The following LPAR6 variants were observed in gnomAD, a reference collection of about 807,000 sequenced individuals.
The protein encoded by LPAR6 is lysophosphatidic acid receptor 6.
Under a neutral mutation model 22.0 loss-of-function variants are expected in LPAR6, and 17 were observed. The ratio of observed to expected loss-of-function variants is 0.77; its 90% CI spans 0.53 to 1.16. The LOEUF (loss-of-function observed/expected upper bound fraction) is 1.16, where lower values mean the gene tolerates loss of function less well. LPAR6 is among the 50% of genes most tolerant of loss of function. LPAR6 has a pLI of 0.00. For synonymous variants in LPAR6, 136 were observed against 139.8 expected (o/e 0.97, Z 0.19); for missense variants, 384 against 406.9 (o/e 0.94, Z 0.48).
At chr13:48,441,890 CTATT>C (rs1258909514) in intron 1 of LPAR6, among the ~76,000 whole-genome samples, 3 of 152,100 alleles carry the variant, frequency 2.0e-5, no homozygotes, top group Admixed American at 6.6e-5. Context: ...ATTATAGGAC[CTATT>C]TATTCACTTG....
chr13:48,430,026 T>C (rs1949113600), upstream of LPAR6, among the ~76,000 whole-genome samples: 3 of 152,214 alleles, frequency 2.0e-5, no homozygotes, highest in Non-Finnish European at 2.9e-5. Context: ...TACAAGTTTG[T>C]TCACCTGTAG....
chr13:48,434,166 G>A (rs1289367592), intron 1 of LPAR6, among the ~76,000 whole-genome samples: 1 of 151,876 alleles, frequency 6.6e-6, no homozygotes. Context: ...TCTTCAATGA[G>A]CCAGGCCTGG....
Position 48,411,729 on chromosome 13 carries a change from A to G in LPAR6, c.695T>C (p.Phe232Ser). The change falls in exon 1 of 1, where the codon TTT (phenylalanine) becomes TCT (serine). Residue 232 changes from phenylalanine (F) to serine (S), a missense_variant. Coordinates refer to ENST00000620633, the MANE Select transcript of LPAR6 (RefSeq NM_001162498.3). ...INKTKVLKMI[F>S]VHLIIFCFCF... The stretch of plus-strand genomic sequence containing the variant: ...GAAACAGAATATGATCAAATGTACA[A>G]AAATCATTTTTAAAACCTTAGTTTT... 1 of 1,608,276 alleles carries G rather than the reference A, an allele frequency of 6.2e-7. No individual in the cohort carries two copies. The highest frequency in any genetic ancestry group is 8.5e-7 in the Non-Finnish European group (1 of 1,174,950).
chr13:48,411,596 A>T lies in LPAR6; in HGVS notation c.828T>A (p.Thr276=), dbSNP rs761515525. 2 of 1,612,546 alleles carry T rather than the reference A, an allele frequency of 1.2e-6. No individual in the cohort carries two copies. Among genetic ancestry groups the T allele is most frequent in the African/African-American group, 2.7e-5 (2 of 74,892 alleles). ...AACAGTTGGAAACAGCAATACAGAGAGTGATTGGGTACATTGTCCTTACTG... is the reference window on the plus strand; with the variant it reads ...AACAGTTGGAAACAGCAATACAGAGTGTGATTGGGTACATTGTCCTTACTG... The part of the protein sequence containing the change: ...VAAVRTMYPI[T]LCIAVSNCCF... Residue 276 remains threonine, a synonymous_variant, in exon 1 of 1, where the codon ACT becomes ACA. Transcript: ENST00000620633.
rs756308104 is a variant in LPAR6, at chr13:48,411,882, A to C, written c.542T>G (p.Leu181Arg). 1 of 1,613,722 alleles carries C rather than the reference A, an allele frequency of 6.2e-7. No homozygotes were observed. Among genetic ancestry groups the C allele is most frequent in the East Asian group, 2.2e-5 (1 of 44,798 alleles). ...NFPEATWKTY[L>R]SRIVIFIEIV... ...TTCGATGAAAATTACAATCCTTGAG[A>C]GATATGTTTTCCATGTGGCTTCTGG... The change falls in exon 1 of 1, where the codon CTC becomes CGC. Residue 181 changes from leucine to arginine, a missense_variant. Physicochemically the swap from Leu to Arg is moderately radical, Grantham distance 102 (BLOSUM62 -2). Transcript: ENST00000620633.
chr13:48,412,019 A>C lies in LPAR6; in HGVS notation c.405T>G (p.Ile135Met). 2 of 1,612,890 alleles carry C rather than the reference A, an allele frequency of 1.2e-6. No individual in the cohort carries two copies. The highest frequency in any genetic ancestry group is 1.7e-6 in the Non-Finnish European group (2 of 1,179,392). ...CAGTTAACCACACGCCAGTGCAAAC[A>C]ATCTTTGCATTTCTTTTGGTTCTTA... ...KTLRTKRNAKIVCTGVWLTVI... is the reference protein window; with the variant it reads ...KTLRTKRNAKMVCTGVWLTVI... Residue 135 changes from isoleucine to methionine, a missense_variant, in exon 1 of 1, where the codon ATT becomes ATG. Coordinates refer to ENST00000620633, the MANE Select transcript of LPAR6 (RefSeq NM_001162498.3).
intron 2 of LPAR6, among the ~76,000 whole-genome samples, chr13:48,420,082 C>T (rs1317385670): frequency 6.6e-6 from 1 of 151,970 alleles, no homozygotes; most frequent in African/African-American, 2.4e-5. Context: ...AGAGACACAA[C>T]AAAAAAAGAA....
rs529637708 is a variant in LPAR6 at position 48,433,913 on chromosome 13, A to C, written c.-1473-9794T>G. On this transcript the variant is annotated intron_variant, in intron 1 of 6. Transcript: ENST00000378434. Reference sequence around the variant, plus strand: ...TATACATATATACTTTTTTTCAGATAGGGTCTTGCTATGTTGCCCAGGCTG... The same window carrying C: ...TATACATATATACTTTTTTTCAGATCGGGTCTTGCTATGTTGCCCAGGCTG... Among the ~76,000 whole-genome samples the C allele has an allele frequency of 3.3e-5, 5 of 151,628 alleles. No homozygotes were observed. The South Asian group carries it at 6.2e-4, about 19-fold the overall frequency.
intron 2 of LPAR6, among the ~76,000 whole-genome samples, chr13:48,419,534 G>T (rs1435138200): frequency 6.6e-6 from 1 of 151,938 alleles, no homozygotes; most frequent in Non-Finnish European, 1.5e-5. Context: ...AATAACCAAG[G>T]TCAGAGAAGA....
At position 48,412,716 on chromosome 13, in the gene LPAR6, TCAA is replaced by T. The variant is rs1593485214; in HGVS notation, c.-296_-294del. 2.2e-6 allele frequency: 1 copy of T among 455,138 alleles called. No homozygotes were observed. The highest frequency in any genetic ancestry group is 4.7e-5 in the East Asian group (1 of 21,478). The allele number at this position is 455,138 out of a possible 1,614,324, so 28.2% of individuals were successfully genotyped here. On this transcript the variant is annotated 5_prime_UTR_variant, in exon 1 of 1. It removes the in-frame stop codon of an upstream open reading frame in the 5' UTR. Transcript: ENST00000620633. ...GACGAGCAACCTTTAAAAAATACAG[TCAA>T]CGAGTCCAACCCATAGGATTATAAA...
upstream of LPAR6, among the ~76,000 whole-genome samples, chr13:48,417,763 G>A (rs556230701): frequency 2.4e-4 from 36 of 152,104 alleles, no homozygotes; most frequent in Non-Finnish European, 4.4e-4. Context: ...AGCCAAAGCA[G>A]AAGAAAGGAT....
rs370734130 is a variant in LPAR6 at position 48,412,465 on chromosome 13, C to G, written c.-42G>C. 2.4e-6 allele frequency: 3 copies of G among 1,271,730 alleles called. No individual in the cohort carries two copies. In the African/African-American group the frequency reaches 4.4e-5, roughly 19 times the overall value. 78.8% of individuals were successfully genotyped at this position (1,271,730 alleles called of 1,614,324 possible). A position where few individuals can be genotyped will look rare whatever the true frequency, so the allele number is the denominator to read the frequency against. The stretch of plus-strand genomic sequence containing the variant: ...ATTTTCAGTTTGGAAGCACTTTCAT[C>G]AGCTGCAGTCTCCTTTGGGATTCAG... On this transcript the variant is annotated 5_prime_UTR_variant, in exon 1 of 1. Coordinates refer to ENST00000620633, the MANE Select transcript of LPAR6 (RefSeq NM_001162498.3).
chr13:48,424,263 A>G (rs950241241), intron 1 of LPAR6: 1 of 152,250 alleles, frequency 6.6e-6, no homozygotes, highest in Non-Finnish European at 1.5e-5. Flanking sequence ...TAGTATTACC[A>G]TAAGTCTATC....
intron 2 of LPAR6, among the ~76,000 whole-genome samples, chr13:48,420,505 C>G (rs1017111760): frequency 6.6e-6 from 1 of 152,152 alleles, no homozygotes. Flanking sequence ...CTCACCACTC[C>G]TATTCAACAT....
intron 1 of LPAR6, among the ~76,000 whole-genome samples, chr13:48,435,325 AT>A (rs1293732042): frequency 6.6e-6 from 1 of 152,188 alleles, no homozygotes; most frequent in Admixed American, 6.5e-5. Flanking sequence ...AGCTAATGAT[AT>A]TGATTAACCT....
At chr13:48,408,285 A>G (rs1333232312), downstream of LPAR6, among the ~76,000 whole-genome samples, 4 of 151,886 alleles carry the variant, frequency 2.6e-5, no homozygotes, top group Admixed American at 2.0e-4. Context: ...ATATATTTTT[A>G]TGCTTTTTAA....
chr13:48,412,748 A>G lies in LPAR6; in HGVS notation c.-325T>C. ...GTCCAACCCATAGGATTATAAATTT[A>G]AAGAAAAGCTGTGATCTGTGACCAG... On this transcript the variant is annotated 5_prime_UTR_variant, in exon 1 of 1. Coordinates refer to ENST00000620633, the MANE Select transcript of LPAR6 (RefSeq NM_001162498.3). 2.8e-6 allele frequency: 1 copy of G among 357,002 alleles called. No individual in the cohort carries two copies. Among genetic ancestry groups the G allele is most frequent in the South Asian group, 3.0e-5 (1 of 33,554 alleles). The allele number at this position is 357,002 out of a possible 1,614,324, so 22.1% of individuals were successfully genotyped here. A position where few individuals can be genotyped will look rare whatever the true frequency, so the allele number is the denominator to read the frequency against.
chr13:48,432,391 C>T (rs1372048456), intron 1 of LPAR6, among the ~76,000 whole-genome samples: 1 of 150,290 alleles, frequency 6.7e-6, no homozygotes, highest in Non-Finnish European at 1.5e-5. Flanking sequence ...TTTTTCATGG[C>T]ACCTCATAAA....
intron 1 of LPAR6, among the ~76,000 whole-genome samples, chr13:48,436,620 GT>G (rs1019023332): frequency 1.9e-4 from 29 of 151,302 alleles, no homozygotes; most frequent in Non-Finnish European, 4.0e-4. Context: ...TCCAGCCTGG[GT>G]GACAAGAGCA....
Sources: gnomAD v4.1 joint callset for allele counts (sites outside exome capture counted in the v4.1 genomes callset) on GRCh38, gnomAD v4.1.1 for gene constraint, MANE v1.5 for transcripts, NCBI Gene and HGNC (gene_info 2026-07-23, HGNC 2026-07-21) for gene names.